Variants in SLC22A23 observed in about 807,000 individuals in gnomAD.
SLC22A23 encodes ion transporter protein.
Under a neutral mutation model 61.0 loss-of-function variants are expected in SLC22A23, and 26 were observed. The observed-to-expected ratio is 0.43, with a 90% CI of 0.31 to 0.59. The LOEUF (loss-of-function observed/expected upper bound fraction) is 0.59, where lower values mean the gene tolerates loss of function less well. Ranked by LOEUF, SLC22A23 falls within the 20% of genes least tolerant of loss-of-function variation. The pLI, the probability that SLC22A23 is intolerant of heterozygous loss-of-function variation, is 0.11. For synonymous variants in SLC22A23, 430 were observed against 413.9 expected (o/e 1.04, Z -0.47); for missense variants, 796 against 934.7 (o/e 0.85, Z 1.94).
At chr6:3,349,036 A>G (rs77161304) in intron 3 of SLC22A23, among the ~76,000 whole-genome samples, 5,248 of 152,312 alleles carry the variant, frequency 0.034, 298 homozygotes, top group African/African-American at 0.12. Flanking sequence ...GAAAGCCACA[A>G]AGCCTCCCCT....
chr6:3,327,004 TG>T lies in SLC22A23; in HGVS notation c.914-3003del, dbSNP rs2127404316. 1.7e-5 allele frequency among the ~76,000 whole-genome samples: 2 copies of T among 119,546 alleles called. No homozygotes were observed. The highest frequency in any genetic ancestry group is 7.7e-5 in the African/African-American group (2 of 25,830). 78.4% of individuals were successfully genotyped at this position (119,546 alleles called of 152,430 possible). A position where few individuals can be genotyped will look rare whatever the true frequency, so the allele number is the denominator to read the frequency against. ...GGGACTGCAGGTGGATCGTTTCTGC[TG>T]GGAGGGACGGGGACTGCAGGTGGAT... is the stretch of plus-strand genomic sequence containing the variant. On this transcript the variant is annotated intron_variant, in intron 3 of 9. Coordinates refer to ENST00000406686, the MANE Select transcript of SLC22A23 (RefSeq NM_015482.2). The surrounding 1 kb of genome is among the most constrained non-coding windows in gnomAD (Gnocchi z 4.1).
chr6:3,431,604 T>C (rs1197245120), intron 1 of SLC22A23, among the ~76,000 whole-genome samples: 1 of 152,228 alleles, frequency 6.6e-6, no homozygotes, highest in Non-Finnish European at 1.5e-5. Context: ...TAGCTAAAAT[T>C]AGCTGCCCAG....
At chr6:3,368,703 C>T (rs1766002006) in intron 3 of SLC22A23, among the ~76,000 whole-genome samples, 2 of 152,240 alleles carry the variant, frequency 1.3e-5, no homozygotes, top group African/African-American at 4.8e-5. Context: ...AATGGGGAAT[C>T]ATTAGCTGTG....
intron 4 of SLC22A23, chr6:3,312,059 T>C (rs1227063382): frequency 2.6e-5 from 4 of 152,252 alleles, no homozygotes; most frequent in East Asian, 3.8e-4. Flanking sequence ...ACTGAATAAA[T>C]GAGCTTATGC....
rs397762489 is a variant in SLC22A23 at position 3,269,662 on chromosome 6, G to GAA, written c.*3392_*3393insTT. 2 of 150,796 alleles carry GAA rather than the reference G, an allele frequency of 1.3e-5. No individual in the cohort carries two copies. The highest frequency in any genetic ancestry group is 1.3e-4 in the Admixed American group (2 of 15,078). 9.3% of individuals were successfully genotyped at this position (150,796 alleles called of 1,614,324 possible). ...TTTTTATATTACAACCTCAAGGACA[G>GAA]GGAGGGAAGTGTTCGCCGCTAGACA... On this transcript the variant is annotated 3_prime_UTR_variant, in exon 10 of 10. Coordinates refer to ENST00000406686, the MANE Select transcript of SLC22A23 (RefSeq NM_015482.2).
At chr6:3,302,718 A>G (rs1351299129) in intron 4 of SLC22A23, 1 of 152,076 alleles carries the variant, frequency 6.6e-6, no homozygotes, top group Non-Finnish European at 1.5e-5. Flanking sequence ...ATGTTGTTCA[A>G]TTTCCATGTA....
chr6:3,335,410 A>G lies in SLC22A23; in HGVS notation c.914-11408T>C, dbSNP rs1763797649. ...ATTTCCTGCCCACGTGGACAGGGCCATGAGGACTCTAACACTACAGAATGC... is the reference window on the plus strand; with the variant it reads ...ATTTCCTGCCCACGTGGACAGGGCCGTGAGGACTCTAACACTACAGAATGC... On this transcript the variant is annotated intron_variant, in intron 3 of 9. Coordinates refer to ENST00000406686, the MANE Select transcript of SLC22A23 (RefSeq NM_015482.2). Among the ~76,000 whole-genome samples the G allele has an allele frequency of 2.6e-5, 4 of 151,548 alleles. 1 individual carries two copies.
intron 4 of SLC22A23, among the ~76,000 whole-genome samples, chr6:3,310,374 A>C (rs1762301249): frequency 1.5e-5 from 1 of 68,574 alleles, no homozygotes; most frequent in Non-Finnish European, 3.3e-5. Flanking sequence ...CCACTCGAGC[A>C]CCCTGTCTCC....
At chr6:3,438,403 G>A in intron 1 of SLC22A23, 1 of 414,564 alleles carries the variant, frequency 2.4e-6, no homozygotes, top group South Asian at 1.8e-5. Context: ...ACTGGGACTA[G>A]ATGATCCATC....
chr6:3,448,602 T>C (rs1181574853), intron 1 of SLC22A23, among the ~76,000 whole-genome samples: 1 of 152,052 alleles, frequency 6.6e-6, no homozygotes, highest in Non-Finnish European at 1.5e-5. Context: ...CACGCCATTC[T>C]CCTGCCTCAG....
intron 1 of SLC22A23, among the ~76,000 whole-genome samples, chr6:3,428,765 A>C (rs1407304313): frequency 6.6e-6 from 1 of 152,200 alleles, no homozygotes; most frequent in East Asian, 1.9e-4. Context: ...AGACACACCC[A>C]CTTCTAAGCC....
intron 1 of SLC22A23, among the ~76,000 whole-genome samples, chr6:3,435,998 A>C (rs1038259958): frequency 6.6e-6 from 1 of 152,024 alleles, no homozygotes. Context: ...CAACTTCCAA[A>C]CCTGTAACAG....
chr6:3,356,534 T>C (rs867256900), intron 3 of SLC22A23, among the ~76,000 whole-genome samples: 3 of 152,162 alleles, frequency 2.0e-5, no homozygotes, highest in Admixed American at 2.0e-4. Flanking sequence ...TCCCGCTGGC[T>C]GCTTCATTGT....
At position 3,372,709 on chromosome 6, in the gene SLC22A23, G is replaced by A. The variant is rs1054089815; in HGVS notation, c.913+37479C>T. On this transcript the variant is annotated intron_variant, in intron 3 of 9. Transcript: ENST00000406686. This position sits in a 1 kb window ranked among gnomAD's most constrained non-coding sequence, Gnocchi z 4.7. ...CAGGGAGCTGGAGCACAGCCGGGGC[G>A]TTAGATATGGAGCCTCAGGGTGCGC... Among the ~76,000 whole-genome samples the A allele has an allele frequency of 4.6e-5, 7 of 152,218 alleles. No homozygotes were observed. Among genetic ancestry groups the A allele is most frequent in the South Asian group, 2.1e-4 (1 of 4,834 alleles).
At position 3,327,717 on chromosome 6, in the gene SLC22A23, A is replaced by G. The variant is rs989707233; in HGVS notation, c.914-3715T>C. Among the ~76,000 whole-genome samples, 2 of 152,194 alleles carry G rather than the reference A, an allele frequency of 1.3e-5. No individual in the cohort carries two copies. The highest frequency in any genetic ancestry group is 4.8e-5 in the African/African-American group (2 of 41,450). ...GGTGCTATGTGTTACAATCTCGTGC[A>G]TTATTTTTCCAGATTTTGGAATACT... On this transcript the variant is annotated intron_variant, in intron 3 of 9. Coordinates refer to ENST00000406686, the MANE Select transcript of SLC22A23 (RefSeq NM_015482.2). The surrounding 1 kb of genome is among the most constrained non-coding windows in gnomAD (Gnocchi z 4.1).
In SLC22A23 at chr6:3,304,350, T is replaced by C. The variant is rs776152392; in HGVS notation, c.1083-6132A>G. ...ACTGACAACAACCAATAAATGTCTT[T>C]ATGAGAAGTGATGATGAGCAAGTCC... On this transcript the variant is annotated intron_variant, in intron 4 of 9. Transcript: ENST00000406686. The surrounding 1 kb of genome is among the most constrained non-coding windows in gnomAD (Gnocchi z 4.3). 6.6e-6 allele frequency among the ~76,000 whole-genome samples: 1 copy of C among 152,170 alleles called. No homozygotes were observed. Among genetic ancestry groups the C allele is most frequent in the East Asian group, 1.9e-4 (1 of 5,186 alleles).
At chr6:3,426,634 C>T (rs533419103) in intron 1 of SLC22A23, among the ~76,000 whole-genome samples, 24 of 152,200 alleles carry the variant, frequency 1.6e-4, no homozygotes, top group Non-Finnish European at 3.2e-4. Context: ...GTGTAACCAT[C>T]TTGAAGATGA....
At chr6:3,405,116 T>C (rs1768716366) in intron 3 of SLC22A23, among the ~76,000 whole-genome samples, 1 of 151,854 alleles carries the variant, frequency 6.6e-6, no homozygotes, top group African/African-American at 2.4e-5. Context: ...AAAAAATTAG[T>C]TGGATGTGGT....
At chr6:3,321,012 C>A (rs1052740917) in intron 4 of SLC22A23, among the ~76,000 whole-genome samples, 12 of 152,162 alleles carry the variant, frequency 7.9e-5, no homozygotes, top group African/African-American at 2.9e-4. Context: ...TTCCTCCCAA[C>A]CCCATTATTG....
Sources: gnomAD v4.1 joint callset for allele counts (sites outside exome capture counted in the v4.1 genomes callset) on GRCh38, gnomAD v4.1.1 for gene constraint, Gnocchi (gnomAD v3.1) non-coding constraint, MANE v1.5 for transcripts, NCBI Gene and HGNC (gene_info 2026-07-23, HGNC 2026-07-21) for gene names.